WDPCP: variants seen among roughly 807,000 people sequenced by gnomAD.
WDPCP encodes the protein WD repeat-containing and planar cell polarity effector protein fritz homolog.
In WDPCP, 71 loss-of-function variants were observed where a neutral mutation model predicts 93.1. The observed-to-expected ratio is 0.76, with a 90% CI of 0.63 to 0.93. WDPCP has a LOEUF of 0.93. WDPCP is among the 40% of genes least tolerant of loss of function. WDPCP has a pLI of 0.00. For missense variants in WDPCP, 844 were observed against 887.4 expected, an observed-to-expected ratio of 0.95 and a Z score of 0.62; for synonymous variants, 315 against 315.0, an observed-to-expected ratio of 1.00 and a Z score of 0.00.
chr2:63,454,268 C>T lies in WDPCP; in HGVS notation c.385-14397G>A, dbSNP rs144467724. On this transcript the variant is annotated intron_variant, in intron 6 of 17. Transcript: ENST00000272321. ...ACTATGACAAGGATGGAAAACCAAA[C>T]ACCGCATGTTCTCACTCATAAGTGG... Among the ~76,000 whole-genome samples the T allele has an allele frequency of 3.1e-3, 469 of 151,912 alleles. 4 individuals are homozygous for T. The highest frequency in any genetic ancestry group is 0.011 in the African/African-American group (435 of 41,424).
chr2:63,334,226 T>C (rs1245964391), intron 12 of WDPCP, among the ~76,000 whole-genome samples: 1 of 152,234 alleles, frequency 6.6e-6, no homozygotes, highest in Non-Finnish European at 1.5e-5. Flanking sequence ...TTTATTTCTT[T>C]CACCTTGTGA....
At chr2:63,486,430 G>A in intron 4 of WDPCP, 112 bp downstream of exon 4, 2 of 933,656 alleles carry the variant, frequency 2.1e-6, no homozygotes, top group Non-Finnish European at 3.3e-6. Context: ...TAAGTAATAG[G>A]AATTTAAAAA....
At chr2:63,160,741 C>T (rs995154729) in intron 15 of WDPCP, among the ~76,000 whole-genome samples, 1 of 151,980 alleles carries the variant, frequency 6.6e-6, no homozygotes, top group East Asian at 1.9e-4. Context: ...ATTTCACAAC[C>T]CCTAATAAAA....
chr2:63,639,406 A>C (rs948829310), intron 3 of WDPCP, among the ~76,000 whole-genome samples: 1 of 152,136 alleles, frequency 6.6e-6, no homozygotes, highest in Non-Finnish European at 1.5e-5. Context: ...TCAGCCTCCC[A>C]AAGTGCTGGG....
At chr2:63,535,559 C>A (rs1224320694) in intron 1 of WDPCP, among the ~76,000 whole-genome samples, 1 of 152,162 alleles carries the variant, frequency 6.6e-6, no homozygotes, top group Non-Finnish European at 1.5e-5. Context: ...TAATACCACA[C>A]ATCTACAACC....
intron 2 of WDPCP, among the ~76,000 whole-genome samples, chr2:63,701,251 A>C (rs1669045543): frequency 6.6e-6 from 1 of 152,244 alleles, no homozygotes; most frequent in African/African-American, 2.4e-5. Context: ...GAATATAAAA[A>C]AAAATGCTCA....
chr2:63,771,939 G>T (rs1258160835), intron 2 of WDPCP, among the ~76,000 whole-genome samples: 1 of 151,548 alleles, frequency 6.6e-6, no homozygotes, highest in Non-Finnish European at 1.5e-5. Flanking sequence ...TCTTTATCTA[G>T]TCCACCACTG....
intron 2 of WDPCP, among the ~76,000 whole-genome samples, chr2:63,689,245 C>T (rs1403462653): frequency 6.6e-6 from 1 of 151,938 alleles, no homozygotes; most frequent in Non-Finnish European, 1.5e-5. Flanking sequence ...AAAAATGATC[C>T]AGGGTATTGT....
At chr2:63,576,897 C>T (rs967339374) in intron 1 of WDPCP, among the ~76,000 whole-genome samples, 3 of 152,092 alleles carry the variant, frequency 2.0e-5, no homozygotes, top group Admixed American at 6.6e-5. Flanking sequence ...CCATCATTAA[C>T]AGGTTTCTCA....
At chr2:63,465,083 A>C (rs1344644490) in intron 6 of WDPCP, among the ~76,000 whole-genome samples, 1 of 152,008 alleles carries the variant, frequency 6.6e-6, no homozygotes, top group East Asian at 1.9e-4. Context: ...AAAGTTTTTT[A>C]CTGAAAAAAA....
chr2:63,493,428 TTACTATTA>T (rs1476672617), intron 1 of WDPCP, among the ~76,000 whole-genome samples: 2 of 152,116 alleles, frequency 1.3e-5, no homozygotes, highest in African/African-American at 2.4e-5. Context: ...TGGTATATAG[TTACTATTA>T]TACTATTATA....
intron 13 of WDPCP, among the ~76,000 whole-genome samples, chr2:63,276,102 C>G (rs553242550): frequency 6.6e-6 from 1 of 152,322 alleles, no homozygotes; most frequent in East Asian, 1.9e-4. Flanking sequence ...AGTAGCTCCA[C>G]TGGGTGGCTA....
chr2:63,243,079 G>A (rs1395214220), intron 14 of WDPCP, among the ~76,000 whole-genome samples: 1 of 152,168 alleles, frequency 6.6e-6, no homozygotes, highest in Non-Finnish European at 1.5e-5. Context: ...CAGTAGCTTA[G>A]ACTATTTCAC....
intron 2 of WDPCP, among the ~76,000 whole-genome samples, chr2:63,675,049 C>CT (rs1710388632): frequency 6.6e-6 from 1 of 152,172 alleles, no homozygotes; most frequent in Non-Finnish European, 1.5e-5. Context: ...CTCACCTGCC[C>CT]TGGTCTTGGG....
Position 63,607,460 on chromosome 2 carries a change from C to CG in WDPCP, n.488+43198dup, listed in dbSNP as rs1335342128. ...GATGAGGTAGGAGAATAGGTTGTCC[C>CG]GGGGGGCGGAAGTTGCAGTGAGCCA... On this transcript the variant is annotated intron_variant and non_coding_transcript_variant, in intron 3 of 4. Transcript: ENST00000467687. 2.0e-5 allele frequency among the ~76,000 whole-genome samples: 3 copies of CG among 151,406 alleles called. No individual in the cohort carries two copies. The South Asian group carries it at 6.2e-4, about 32-fold the overall frequency.
At chr2:63,621,340 A>G (rs1249292561) in intron 3 of WDPCP, among the ~76,000 whole-genome samples, 1 of 152,014 alleles carries the variant, frequency 6.6e-6, no homozygotes, top group African/African-American at 2.4e-5. Context: ...AAATGACATG[A>G]TGGAGCTGAA....
intron 14 of WDPCP, among the ~76,000 whole-genome samples, chr2:63,251,933 C>G (rs141669429): frequency 6.6e-6 from 1 of 151,858 alleles, no homozygotes; most frequent in East Asian, 1.9e-4. Context: ...ATAACTCATT[C>G]TATGAAGCCA....
chr2:63,237,026 T>C (rs1679459890), intron 14 of WDPCP, among the ~76,000 whole-genome samples: 1 of 151,798 alleles, frequency 6.6e-6, no homozygotes, highest in Non-Finnish European at 1.5e-5. Flanking sequence ...CAAAAGAAAC[T>C]ATCAACAGAA....
At chr2:63,156,428 A>T (rs1326635841) in intron 15 of WDPCP, among the ~76,000 whole-genome samples, 1 of 152,190 alleles carries the variant, frequency 6.6e-6, no homozygotes. Flanking sequence ...TCAATTGTAC[A>T]TTACTAGTAT....
Sources: allele counts gnomAD v4.1 joint callset (sites outside exome capture counted in the v4.1 genomes callset), GRCh38; gene constraint gnomAD v4.1.1; transcripts MANE v1.5; gene names NCBI Gene and HGNC (gene_info 2026-07-23, HGNC 2026-07-21).